EIF2B3: variants seen among roughly 807,000 people sequenced by gnomAD.
The protein encoded by EIF2B3 is eukaryotic translation initiation factor 2B subunit gamma, also known as translation initiation factor eIF2B subunit gamma.
EIF2B3 carries 20 observed loss-of-function variants against 54.1 expected under a neutral mutation model. The observed-to-expected ratio is 0.37, with a 90% CI of 0.26 to 0.54. The LOEUF is 0.54. Among genes scored for constraint, EIF2B3 ranks in the 20% least tolerant of loss-of-function variants. EIF2B3 has a pLI of 0.86. For synonymous variants in EIF2B3, 153 were observed against 188.1 expected, an observed-to-expected ratio of 0.81 and a Z score of 1.52; for missense variants, 448 against 547.8, an observed-to-expected ratio of 0.82 and a Z score of 1.82.
intron 5 of EIF2B3, among the ~76,000 whole-genome samples, chr1:44,907,120 C>T (rs1045095370): frequency 6.6e-6 from 1 of 152,220 alleles, no homozygotes; most frequent in African/African-American, 2.4e-5. Flanking sequence ...GTTCAAATTA[C>T]CATTACTTCT....
intron 2 of EIF2B3, among the ~76,000 whole-genome samples, chr1:44,978,667 C>G (rs376490018): frequency 8.1e-6 from 1 of 123,940 alleles, no homozygotes; most frequent in African/African-American, 3.2e-5. Flanking sequence ...GACAGGGTCT[C>G]ACTCTGCCAC....
intron 11 of EIF2B3, among the ~76,000 whole-genome samples, chr1:44,854,808 C>T (rs1445593471): frequency 2.6e-5 from 4 of 151,666 alleles, no homozygotes; most frequent in South Asian, 2.1e-4. Flanking sequence ...AGGCTGGTCT[C>T]GAACTCTTGA....
chr1:44,878,029 A>T (rs1655256154), intron 8 of EIF2B3, among the ~76,000 whole-genome samples: 1 of 152,174 alleles, frequency 6.6e-6, no homozygotes, highest in Admixed American at 6.5e-5. Flanking sequence ...ACAGCGGTGC[A>T]CCTGTGATCT....
At chr1:44,894,306 TAC>T (rs1337386724) in intron 6 of EIF2B3, among the ~76,000 whole-genome samples, 1 of 152,206 alleles carries the variant, frequency 6.6e-6, no homozygotes, top group Non-Finnish European at 1.5e-5. Flanking sequence ...GTAAAATGTG[TAC>T]AGTTACTAAA....
chr1:44,932,865 A>G (rs972958363), intron 4 of EIF2B3, among the ~76,000 whole-genome samples: 13 of 152,350 alleles, frequency 8.5e-5, no homozygotes, highest in Admixed American at 7.2e-4. Flanking sequence ...TTTCAGGGAT[A>G]CAAAAGCTCA....
intron 6 of EIF2B3, among the ~76,000 whole-genome samples, chr1:44,882,108 T>C (rs1048560146): frequency 1.3e-5 from 2 of 152,250 alleles, no homozygotes; most frequent in Non-Finnish European, 2.9e-5. Context: ...GAATTTTATA[T>C]TGCTAATTAA....
intron 6 of EIF2B3, among the ~76,000 whole-genome samples, chr1:44,883,384 A>G (rs1217880344): frequency 6.6e-6 from 1 of 152,216 alleles, no homozygotes; most frequent in African/African-American, 2.4e-5. Flanking sequence ...CAAAGGTCAC[A>G]AGATTTGCAA....
intron 10 of EIF2B3, among the ~76,000 whole-genome samples, chr1:44,870,695 C>G (rs1176747194): frequency 2.6e-5 from 4 of 151,860 alleles, no homozygotes; most frequent in African/African-American, 9.7e-5. Flanking sequence ...CTCTGTCACC[C>G]AGGCTGGAGT....
intron 11 of EIF2B3, 51 bp downstream of exon 11, chr1:44,857,653 A>C (rs1320890996): frequency 6.5e-7 from 1 of 1,541,428 alleles, no homozygotes; most frequent in Admixed American, 1.7e-5. Context: ...TGGCATTATC[A>C]GTGCTGGTGT....
intron 5 of EIF2B3, among the ~76,000 whole-genome samples, chr1:44,922,415 C>T (rs1292966056): frequency 1.3e-5 from 2 of 150,832 alleles, no homozygotes; most frequent in Non-Finnish European, 3.0e-5. Context: ...GGTGAAACCC[C>T]ATCTCCACTA....
intron 10 of EIF2B3, among the ~76,000 whole-genome samples, chr1:44,858,470 C>T (rs1430239194): frequency 6.6e-6 from 1 of 151,892 alleles, no homozygotes; most frequent in African/African-American, 2.4e-5. Context: ...CATACTCATT[C>T]AAAAAAATTT....
At chr1:44,915,793 C>CA (rs1643612411) in intron 5 of EIF2B3, among the ~76,000 whole-genome samples, 1 of 151,778 alleles carries the variant, frequency 6.6e-6, no homozygotes, top group Non-Finnish European at 1.5e-5. Flanking sequence ...AATGACTATT[C>CA]AATTTTACTG....
rs34094245 is a variant in EIF2B3, at chr1:44,868,397, CAAA to C, written c.1202+6278_1202+6280del. On this transcript the variant is annotated intron_variant, in intron 10 of 11. Coordinates refer to ENST00000360403, the MANE Select transcript of EIF2B3 (RefSeq NM_020365.5). ...TGGGTGACAGAATGAGACTCCGTCT[CAAA>C]AAAAAAAAAAAAAAAAAAAAAGAAA... 9.8e-3 allele frequency among the ~76,000 whole-genome samples: 639 copies of C among 65,452 alleles called. 2 individuals are homozygous for C. The highest frequency in any genetic ancestry group is 0.013 in the African/African-American group (233 of 18,070). 42.9% of individuals were successfully genotyped at this position (65,452 alleles called of 152,430 possible). A position where few individuals can be genotyped will look rare whatever the true frequency, so the allele number is the denominator to read the frequency against.
chr1:44,892,954 C>G (rs1655850836), intron 6 of EIF2B3, among the ~76,000 whole-genome samples: 1 of 152,252 alleles, frequency 6.6e-6, no homozygotes, highest in African/African-American at 2.4e-5. Flanking sequence ...ACTACTACTG[C>G]CAGCCTCTCA....
rs140479598 is a variant in EIF2B3 at position 44,962,188 on chromosome 1, G to A, written c.294+16127C>T. ...GCCTGGGTGACAAGAGCGAAACTCC[G>A]TCTCAATCATCATCAACATCATCAT... On this transcript the variant is annotated intron_variant, in intron 3 of 11. Transcript: ENST00000360403. Among the ~76,000 whole-genome samples, 768 of 136,542 alleles carry A rather than the reference G, an allele frequency of 5.6e-3. 4 individuals are homozygous for A. The highest frequency in any genetic ancestry group is 9.2e-3 in the East Asian group (42 of 4,546). The allele number at this position is 136,542 out of a possible 152,430, so 89.6% of individuals were successfully genotyped here.
intron 3 of EIF2B3, among the ~76,000 whole-genome samples, chr1:44,957,695 A>G (rs775752942): frequency 2.6e-5 from 4 of 152,164 alleles, no homozygotes; most frequent in Admixed American, 6.5e-5. Flanking sequence ...TGAGAGGTGA[A>G]GGCTGCAGTG....
intron 10 of EIF2B3, among the ~76,000 whole-genome samples, chr1:44,859,994 G>A (rs904895005): frequency 6.6e-6 from 1 of 151,580 alleles, no homozygotes; most frequent in African/African-American, 2.4e-5. Context: ...CTGACCTCAG[G>A]TGATCCAGCC....
At chr1:44,977,510 G>A (rs1290007732) in intron 3 of EIF2B3, among the ~76,000 whole-genome samples, 1 of 151,644 alleles carries the variant, frequency 6.6e-6, no homozygotes, top group Non-Finnish European at 1.5e-5. Context: ...TGTTGCCCAG[G>A]CTGGAGTGCA....
chr1:44,884,158 C>T (rs1655501280), intron 6 of EIF2B3, among the ~76,000 whole-genome samples: 1 of 152,054 alleles, frequency 6.6e-6, no homozygotes, highest in African/African-American at 2.4e-5. Flanking sequence ...AGTTTTTAAG[C>T]AAGAAAGTGA....
Sources: allele counts gnomAD v4.1 joint callset (sites outside exome capture counted in the v4.1 genomes callset), GRCh38; gene constraint gnomAD v4.1.1; transcripts MANE v1.5; gene names NCBI Gene and HGNC (gene_info 2026-07-23, HGNC 2026-07-21).